Variants in MACROD2 observed in about 807,000 individuals in gnomAD.
The protein encoded by MACROD2 is mono-ADP ribosylhydrolase 2.
In MACROD2, 36 loss-of-function variants were observed where a neutral mutation model predicts 70.4. The observed-to-expected ratio is 0.51, with a 90% CI of 0.39 to 0.68. The LOEUF (loss-of-function observed/expected upper bound fraction) is 0.68, where lower values mean the gene tolerates loss of function less well. Among genes scored for constraint, MACROD2 ranks in the 30% least tolerant of loss-of-function variants. The probability of loss-of-function intolerance (pLI) is 0.00; values close to 1 mark genes in which losing one functional copy is unlikely to be tolerated. For missense variants in MACROD2, 496 were observed against 538.4 expected (o/e 0.92, Z 0.78); for synonymous variants, 172 against 178.8 (o/e 0.96, Z 0.30).
chr20:14,381,352 C>A (rs2083418905), intron 3 of MACROD2, among the ~76,000 whole-genome samples: 1 of 152,022 alleles, frequency 6.6e-6, no homozygotes, highest in Admixed American at 6.5e-5. Context: ...ACACATTTTG[C>A]CCTAAGGATT....
At chr20:15,230,221 T>C (rs531044952) in intron 6 of MACROD2, among the ~76,000 whole-genome samples, 160 bp downstream of exon 6, 2 of 152,212 alleles carry the variant, frequency 1.3e-5, no homozygotes, top group Non-Finnish European at 2.9e-5. Context: ...TAATCTTTGA[T>C]GTGCTATAAA....
intron 3 of MACROD2, among the ~76,000 whole-genome samples, chr20:14,357,156 G>T (rs1241638931): frequency 6.6e-6 from 1 of 152,194 alleles, no homozygotes; most frequent in East Asian, 1.9e-4. Context: ...ATTGTAAGAA[G>T]AGTATGAGTG....
chr20:15,630,856 T>C (rs1004158167), intron 8 of MACROD2, among the ~76,000 whole-genome samples: 2 of 152,006 alleles, frequency 1.3e-5, no homozygotes, highest in Admixed American at 1.3e-4. Flanking sequence ...TCCAACTGAG[T>C]TGGAAGATCC....
At position 14,719,174 on chromosome 20, in the gene MACROD2, G is replaced by A. The variant is rs187855178; in HGVS notation, c.418+34215G>A. Among the ~76,000 whole-genome samples, 25 of 152,132 alleles carry A rather than the reference G, an allele frequency of 1.6e-4. No homozygotes were observed. In the East Asian group the frequency reaches 2.9e-3, roughly 18 times the overall value. ...TTGAACTCGGGAGGCAGAGGTTGCAGTGAGCGAGATCGCGCCACTGCACTC... is the reference window on the plus strand; with the variant it reads ...TTGAACTCGGGAGGCAGAGGTTGCAATGAGCGAGATCGCGCCACTGCACTC... On this transcript the variant is annotated intron_variant, in intron 5 of 17. Transcript: ENST00000684519.
At chr20:15,972,162 C>T (rs1309284312) in intron 13 of MACROD2, among the ~76,000 whole-genome samples, 1 of 151,518 alleles carries the variant, frequency 6.6e-6, no homozygotes, top group Non-Finnish European at 1.5e-5. Flanking sequence ...GCAATAGAAG[C>T]TATCCAAATG....
rs1320753735 is a variant in MACROD2 at position 15,772,100 on chromosome 20, AAATATATATAT to A, written c.646-90643_646-90633del. Among the ~76,000 whole-genome samples, 704 of 89,686 alleles carry A rather than the reference AAATATATATAT, an allele frequency of 7.8e-3. 12 individuals carry two copies. The highest frequency in any genetic ancestry group is 0.042 in the African/African-American group (665 of 15,912). 58.8% of individuals were successfully genotyped at this position (89,686 alleles called of 152,430 possible). On this transcript the variant is annotated intron_variant, in intron 8 of 17. Transcript: ENST00000684519. ...ACTCGGTCTCAAAAAAAAAAAAAAA[AAATATATATAT>A]ATATATATATATATATATTTCTTTT... is the stretch of plus-strand genomic sequence containing the variant.
intron 8 of MACROD2, among the ~76,000 whole-genome samples, chr20:15,553,477 A>G (rs1479122487): frequency 1.3e-5 from 2 of 152,190 alleles, no homozygotes. Flanking sequence ...GCTGGAATGC[A>G]GTGGTGGTGA....
At chr20:14,064,230 A>G (rs962442473) in intron 2 of MACROD2, among the ~76,000 whole-genome samples, 9 of 151,808 alleles carry the variant, frequency 5.9e-5, no homozygotes, top group East Asian at 1.9e-4. Flanking sequence ...CCTTCCTATA[A>G]AGGTTTTTGT....
At chr20:14,942,084 C>T (rs143901627) in intron 5 of MACROD2, among the ~76,000 whole-genome samples, 2 of 152,136 alleles carry the variant, frequency 1.3e-5, no homozygotes, top group South Asian at 2.1e-4. Context: ...CAGGTGCATG[C>T]CCCTGCACCC....
intron 2 of MACROD2, among the ~76,000 whole-genome samples, chr20:14,066,625 A>C (rs1408523718): frequency 1.3e-5 from 2 of 152,154 alleles, no homozygotes; most frequent in African/African-American, 4.8e-5. Flanking sequence ...AATTTTCATG[A>C]AACAATTATT....
intron 8 of MACROD2, among the ~76,000 whole-genome samples, chr20:15,814,814 A>G (rs990143229): frequency 6.6e-6 from 1 of 152,204 alleles, no homozygotes; most frequent in Non-Finnish European, 1.5e-5. Context: ...CTGAGTGTAG[A>G]CTAATTCCAC....
intron 5 of MACROD2, among the ~76,000 whole-genome samples, chr20:14,705,999 A>T (rs78317375): frequency 0.015 from 2,262 of 151,388 alleles, 54 homozygotes; most frequent in African/African-American, 0.052. Flanking sequence ...TTTTATTTTG[A>T]TTGATATTGC....
chr20:14,314,249 T>C (rs2082593518), intron 3 of MACROD2, among the ~76,000 whole-genome samples: 1 of 152,206 alleles, frequency 6.6e-6, no homozygotes. Context: ...AGCAGAGTAA[T>C]GTAATGAGCC....
rs529745557 is a variant in MACROD2 at position 14,765,972 on chromosome 20, G to A, written c.418+81013G>A. ...TTGGAGAGCCTCCTAAATCTAGGAA[G>A]CAGCACCTTAATCCACATTACATTG... On this transcript the variant is annotated intron_variant, in intron 5 of 17. Coordinates refer to ENST00000684519, the MANE Select transcript of MACROD2 (RefSeq NM_001351661.2). Among the ~76,000 whole-genome samples the A allele has an allele frequency of 6.4e-4, 98 of 152,230 alleles. 1 individual carries two copies. Among genetic ancestry groups the A allele is most frequent in the Non-Finnish European group, 7.4e-5 (5 of 68,014 alleles).
chr20:14,633,478 C>A (rs746971828), intron 4 of MACROD2, among the ~76,000 whole-genome samples: 1 of 152,146 alleles, frequency 6.6e-6, no homozygotes, highest in Non-Finnish European at 1.5e-5. Context: ...AATAAAAAAT[C>A]CCTATTTCTC....
chr20:15,329,824 T>C (rs74600624), intron 6 of MACROD2, among the ~76,000 whole-genome samples: 7,787 of 152,114 alleles, frequency 0.051, 674 homozygotes, highest in African/African-American at 0.18. Context: ...AATCTATTGG[T>C]GGGGCTCAGG....
At chr20:14,481,124 G>A (rs2084658966) in intron 3 of MACROD2, among the ~76,000 whole-genome samples, 1 of 152,028 alleles carries the variant, frequency 6.6e-6, no homozygotes, top group Non-Finnish European at 1.5e-5. Flanking sequence ...TGTGTATTTT[G>A]CAATAAGCAT....
At chr20:14,525,213 C>G (rs182779223) in intron 4 of MACROD2, among the ~76,000 whole-genome samples, 8 of 152,170 alleles carry the variant, frequency 5.3e-5, no homozygotes. Context: ...ATAGTATTTC[C>G]ATACAAAAAT....
At chr20:15,156,687 G>C (rs2076309089) in intron 5 of MACROD2, among the ~76,000 whole-genome samples, 1 of 152,182 alleles carries the variant, frequency 6.6e-6, no homozygotes, top group African/African-American at 2.4e-5. Context: ...CTTTCCAGGA[G>C]AGGGGAATAG....
Sources: gnomAD v4.1 joint callset for allele counts (sites outside exome capture counted in the v4.1 genomes callset) on GRCh38, gnomAD v4.1.1 for gene constraint, MANE v1.5 for transcripts, NCBI Gene and HGNC (gene_info 2026-07-23, HGNC 2026-07-21) for gene names.